Variants in SLC12A2 observed in about 807,000 individuals in gnomAD.
The protein encoded by SLC12A2 is Na-K-2Cl cotransporter 1.
A neutral mutation model predicts 136.3 loss-of-function variants in SLC12A2; 67 were observed. The observed-to-expected ratio is 0.49, with a 90% CI of 0.40 to 0.60. SLC12A2 has a LOEUF of 0.60. Ranked by LOEUF, SLC12A2 falls within the 20% of genes least tolerant of loss-of-function variation. The probability of loss-of-function intolerance (pLI) is 0.00; values close to 1 mark genes in which losing one functional copy is unlikely to be tolerated. For missense variants in SLC12A2, 1,322 were observed against 1,534.7 expected (o/e 0.86, Z 2.32); for synonymous variants, 619 against 562.9 (o/e 1.10, Z -1.41).
intron 1 of SLC12A2, among the ~76,000 whole-genome samples, chr5:128,090,106 A>G (rs1442576739): frequency 5.9e-5 from 9 of 152,206 alleles, no homozygotes; most frequent in Non-Finnish European, 1.3e-4. Context: ...CATAATACTA[A>G]ATGCATTCCC....
In SLC12A2 at chr5:128,141,906, A is replaced by G; in HGVS notation, c.1698A>G (p.Ala566=). ...IVTELTNCTS[A]ACKLNFDFSS... is the part of the protein sequence containing the mutation. ...CAGAGCTAACAAACTGTACTTCTGC[A>G]GCCTGCAAATTAAACTTTGATTTTT... The change falls in exon 10 of 27, where the codon GCA becomes GCG. Residue 566 remains alanine (A), a synonymous_variant. Coordinates refer to ENST00000262461, the MANE Select transcript of SLC12A2 (RefSeq NM_001046.3). 1 of 1,614,042 alleles carries G rather than the reference A, an allele frequency of 6.2e-7. No individual in the cohort carries two copies. The highest frequency in any genetic ancestry group is 8.5e-7 in the Non-Finnish European group (1 of 1,179,920).
At chr5:128,152,901 T>C in intron 15 of SLC12A2, 96 bp downstream of exon 15, 1 of 790,796 alleles carries the variant, frequency 1.3e-6, no homozygotes, top group Non-Finnish European at 2.2e-6. Context: ...TTCACATTTT[T>C]AATCGGTCTT....
intron 23 of SLC12A2, among the ~76,000 whole-genome samples, chr5:128,181,820 C>G (rs1157501412): frequency 6.6e-6 from 1 of 151,904 alleles, no homozygotes; most frequent in African/African-American, 2.4e-5. Flanking sequence ...CCTTTGCCTC[C>G]TCTCATCTCT....
chr5:128,124,526 T>G (rs576942929), intron 4 of SLC12A2, among the ~76,000 whole-genome samples: 1 of 152,242 alleles, frequency 6.6e-6, no homozygotes, highest in Non-Finnish European at 1.5e-5. Flanking sequence ...CATCAGTTTA[T>G]AATAAAGGCT....
intron 10 of SLC12A2, among the ~76,000 whole-genome samples, chr5:128,145,249 C>A (rs901576381): frequency 6.6e-5 from 10 of 152,092 alleles, no homozygotes; most frequent in African/African-American, 2.4e-4. Flanking sequence ...CTGGTGGTGT[C>A]AGTTTTGCCT....
At chr5:128,111,203 A>G (rs1761131624) in intron 1 of SLC12A2, among the ~76,000 whole-genome samples, 1 of 152,190 alleles carries the variant, frequency 6.6e-6, no homozygotes, top group Non-Finnish European at 1.5e-5. Flanking sequence ...TAAAAAATAT[A>G]TATACACACA....
intron 1 of SLC12A2, among the ~76,000 whole-genome samples, chr5:128,111,896 T>G (rs1313359196): frequency 6.6e-6 from 1 of 151,850 alleles, no homozygotes; most frequent in African/African-American, 2.4e-5. Flanking sequence ...TTTTAAAAAT[T>G]TAGTTGGTTC....
At chr5:128,140,123 T>G (rs1421442999) in intron 9 of SLC12A2, among the ~76,000 whole-genome samples, 1 of 152,072 alleles carries the variant, frequency 6.6e-6, no homozygotes, top group Non-Finnish European at 1.5e-5. Flanking sequence ...CTCACCCTCC[T>G]GAGTAGCTGG....
intron 1 of SLC12A2, among the ~76,000 whole-genome samples, chr5:128,103,723 A>G (rs1000709320): frequency 4.6e-5 from 7 of 152,264 alleles, no homozygotes; most frequent in African/African-American, 1.7e-4. Flanking sequence ...GCCATCTTCA[A>G]AGTGCATTTA....
rs1168958170 is a variant in SLC12A2 at position 128,187,636 on chromosome 5, GT to G, written c.*1007del. 3 of 152,436 alleles carry G rather than the reference GT, an allele frequency of 2.0e-5. No individual in the cohort carries two copies. Among genetic ancestry groups the G allele is most frequent in the African/African-American group, 7.2e-5 (3 of 41,408 alleles). The allele number at this position is 152,436 out of a possible 1,614,324, so 9.4% of individuals were successfully genotyped here. On this transcript the variant is annotated 3_prime_UTR_variant, in exon 27 of 27. Coordinates refer to ENST00000262461, the MANE Select transcript of SLC12A2 (RefSeq NM_001046.3). ...CATTAAAATAATGTTTCATCAAATG[GT>G]TAAATGGACCACTGGTTTCTTAGAG...
chr5:128,103,849 C>G (rs546378472), intron 1 of SLC12A2, among the ~76,000 whole-genome samples: 35 of 152,052 alleles, frequency 2.3e-4, no homozygotes, highest in Non-Finnish European at 4.9e-4. Flanking sequence ...CCTCAATTAT[C>G]TAATTTAAAG....
At chr5:128,152,055 G>T (rs1439929905) in intron 14 of SLC12A2, among the ~76,000 whole-genome samples, 1 of 152,116 alleles carries the variant, frequency 6.6e-6, no homozygotes, top group Non-Finnish European at 1.5e-5. Context: ...GATGAGAAAG[G>T]CTTCATCTGG....
intron 19 of SLC12A2, among the ~76,000 whole-genome samples, chr5:128,173,617 G>A (rs974511733): frequency 6.6e-6 from 1 of 152,034 alleles, no homozygotes; most frequent in Admixed American, 6.5e-5. Flanking sequence ...TGTAGCCTAG[G>A]CAAATTTGAT....
chr5:128,120,356 T>G (rs1290549748), intron 4 of SLC12A2, among the ~76,000 whole-genome samples: 2 of 147,034 alleles, frequency 1.4e-5, no homozygotes, highest in Admixed American at 1.4e-4. Flanking sequence ...ATCCCATTAC[T>G]GGGTATATAC....
At chr5:128,118,221 A>G (rs774106800) in intron 4 of SLC12A2, among the ~76,000 whole-genome samples, 4 of 152,174 alleles carry the variant, frequency 2.6e-5, no homozygotes, top group Non-Finnish European at 5.9e-5. Context: ...TGGGTAATCT[A>G]CCCAAACAAA....
At chr5:128,142,529 AAT>A (rs147886710) in intron 10 of SLC12A2, among the ~76,000 whole-genome samples, 44 of 149,594 alleles carry the variant, frequency 2.9e-4, no homozygotes, top group Admixed American at 5.3e-4. Flanking sequence ...AACAGCATGT[AAT>A]ATATATATAT....
intron 19 of SLC12A2, among the ~76,000 whole-genome samples, chr5:128,172,723 G>T (rs1031844283): frequency 3.9e-5 from 6 of 152,192 alleles, no homozygotes; most frequent in African/African-American, 9.6e-5. Flanking sequence ...CATGCTGGGA[G>T]GCTGAGGTGG....
At position 128,131,232 on chromosome 5, in the gene SLC12A2, C is replaced by T. The variant is rs190731612; in HGVS notation, c.1188+26C>T. On this transcript the variant is annotated intron_variant, in intron 5 of 26. Coordinates refer to ENST00000262461, the MANE Select transcript of SLC12A2 (RefSeq NM_001046.3). The stretch of plus-strand genomic sequence containing the variant: ...GTAATTCACCTTCCTTCTAGTCATT[C>T]GTTTACCAAATCTTTATTGAGGGAT... The T allele has an allele frequency of 4.8e-5, 78 of 1,611,454 alleles. 1 individual carries two copies. The highest frequency in any genetic ancestry group is 2.9e-4 in the South Asian group (26 of 90,978).
intron 20 of SLC12A2, 126 bp from the exon 21 acceptor site, chr5:128,176,975 CTTGA>C (rs1361774899): frequency 2.6e-5 from 14 of 529,118 alleles, no homozygotes; most frequent in African/African-American, 8.1e-5. Context: ...AATCTTCAGT[CTTGA>C]TTATTTTTCA....
Sources: allele counts gnomAD v4.1 joint callset (sites outside exome capture counted in the v4.1 genomes callset), GRCh38; gene constraint gnomAD v4.1.1; transcripts MANE v1.5; gene names NCBI Gene and HGNC (gene_info 2026-07-23, HGNC 2026-07-21).